Variants in IPO11 observed in about 807,000 individuals in gnomAD.
IPO11 encodes the protein importin 11.
Under a neutral mutation model 143.2 loss-of-function variants are expected in IPO11, and 66 were observed. The observed-to-expected ratio is 0.46, with a 90% confidence interval of 0.38 to 0.57. The LOEUF is 0.57. Among genes scored for constraint, IPO11 ranks in the 20% least tolerant of loss-of-function variants. The probability of loss-of-function intolerance (pLI) is 0.00; values close to 1 mark genes in which losing one functional copy is unlikely to be tolerated. For synonymous variants in IPO11, 385 were observed against 377.8 expected, an observed-to-expected ratio of 1.02 and a Z score of -0.22; for missense variants, 1,026 against 1,141.0, an observed-to-expected ratio of 0.90 and a Z score of 1.45.
chr5:62,579,401 C>T, intron 27 of IPO11: 1 of 1,539,522 alleles, frequency 6.5e-7, no homozygotes, highest in Non-Finnish European at 8.8e-7. Flanking sequence ...CTTTTTATAG[C>T]CAATTCTGAT....
At chr5:62,428,934 C>T (rs374275140) in intron 1 of IPO11, among the ~76,000 whole-genome samples, 8 of 152,034 alleles carry the variant, frequency 5.3e-5, no homozygotes, top group African/African-American at 1.5e-4. Context: ...CCCAAAGTGC[C>T]GAGATTACGC....
chr5:62,485,782 T>G (rs1746375886), intron 12 of IPO11, among the ~76,000 whole-genome samples: 1 of 151,208 alleles, frequency 6.6e-6, no homozygotes, highest in East Asian at 1.9e-4. Context: ...CCCAGGAGGT[T>G]GAGGCTGCCG....
At chr5:62,424,941 T>C (rs1394019721) in intron 1 of IPO11, among the ~76,000 whole-genome samples, 4 of 152,224 alleles carry the variant, frequency 2.6e-5, no homozygotes, top group Non-Finnish European at 5.9e-5. Flanking sequence ...CATTCATGTC[T>C]TTACCTCAAA....
At position 62,580,116 on chromosome 5, in the gene IPO11, A is replaced by G. The variant is rs781725917; in HGVS notation, c.2583-11461A>G. 4.8e-4 allele frequency: 741 copies of G among 1,550,892 alleles called. 4 individuals carry two copies. The highest frequency in any genetic ancestry group is 3.7e-4 in the Admixed American group (19 of 50,948). On this transcript the variant is annotated intron_variant, in intron 27 of 29. Coordinates refer to ENST00000325324, the MANE Select transcript of IPO11 (RefSeq NM_016338.5). ...AAGTACCATCAAATGCCTTTGAAGT[A>G]CTTAAAAGTCTTAGAAGACTTTCTT... is the stretch of plus-strand genomic sequence containing the variant.
At chr5:62,591,852 A>T (rs1745034339) in intron 28 of IPO11, among the ~76,000 whole-genome samples, 180 bp downstream of exon 28, 2 of 151,854 alleles carry the variant, frequency 1.3e-5, no homozygotes, top group African/African-American at 4.8e-5. Flanking sequence ...GTATCACCTT[A>T]TTTATTTATT....
intron 29 of IPO11, among the ~76,000 whole-genome samples, chr5:62,623,663 T>A (rs1291091726): frequency 1.3e-5 from 2 of 150,872 alleles, no homozygotes; most frequent in African/African-American, 4.9e-5. Context: ...TTTTTTTTTT[T>A]AAGACAGAGT....
chr5:62,606,391 G>A (rs944168001), intron 29 of IPO11, among the ~76,000 whole-genome samples: 21 of 144,764 alleles, frequency 1.5e-4, no homozygotes, highest in South Asian at 6.6e-4. Context: ...GAGGTGGGAG[G>A]ATTGCTTGAA....
chr5:62,593,259 A>G (rs978073464), intron 28 of IPO11, among the ~76,000 whole-genome samples: 2 of 152,174 alleles, frequency 1.3e-5, no homozygotes, highest in Non-Finnish European at 2.9e-5. Flanking sequence ...AAATTATAAC[A>G]TGTTTTAACT....
chr5:62,587,984 A>G (rs1484240478), intron 27 of IPO11, among the ~76,000 whole-genome samples: 1 of 152,152 alleles, frequency 6.6e-6, no homozygotes, highest in African/African-American at 2.4e-5. Context: ...TGTGTTCTCT[A>G]GCAATTTCAC....
chr5:62,518,359 G>A (rs1042838713), intron 20 of IPO11, among the ~76,000 whole-genome samples: 4 of 151,906 alleles, frequency 2.6e-5, no homozygotes, highest in Admixed American at 6.6e-5. Context: ...CAGGAGAATC[G>A]CTTGAACCTG....
intron 9 of IPO11, 103 bp from the exon 10 acceptor site, chr5:62,482,998 A>G: frequency 7.8e-6 from 6 of 768,458 alleles, no homozygotes; most frequent in Non-Finnish European, 1.0e-5. Flanking sequence ...CTAAGGTTCA[A>G]ACTGCTAAAT....
At chr5:62,527,756 G>A (rs954116841) in intron 21 of IPO11, among the ~76,000 whole-genome samples, 35 of 152,106 alleles carry the variant, frequency 2.3e-4, no homozygotes, top group African/African-American at 8.4e-4. Context: ...AAATTATTAG[G>A]AGAAAATTTT....
At chr5:62,423,004 G>C (rs1743573729) in intron 1 of IPO11, among the ~76,000 whole-genome samples, 1 of 152,098 alleles carries the variant, frequency 6.6e-6, no homozygotes, top group Non-Finnish European at 1.5e-5. Context: ...TATCAGAAAG[G>C]GGATTGGAGA....
At chr5:62,469,749 T>A (rs940147877) in intron 6 of IPO11, among the ~76,000 whole-genome samples, 2 of 152,196 alleles carry the variant, frequency 1.3e-5, no homozygotes, top group Admixed American at 1.3e-4. Flanking sequence ...TCTCTCTGTG[T>A]ACACTAGTTT....
At chr5:62,435,116 A>ATGTATATATG (rs1744142907) in intron 1 of IPO11, among the ~76,000 whole-genome samples, 3 of 52,134 alleles carry the variant, frequency 5.8e-5, no homozygotes, top group African/African-American at 6.5e-5. Context: ...ATATGTATAT[A>ATGTATATATG]TGTATATATG....
chr5:62,579,305 T>C (rs1744448751), intron 27 of IPO11: 3 of 799,852 alleles, frequency 3.8e-6, no homozygotes, highest in Non-Finnish European at 6.3e-6. Context: ...TATTGGCTGA[T>C]CCTAATTAAA....
chr5:62,456,954 C>T (rs571442731), intron 5 of IPO11, among the ~76,000 whole-genome samples: 3 of 152,056 alleles, frequency 2.0e-5, no homozygotes, highest in African/African-American at 4.8e-5. Flanking sequence ...TAGCCGGGTG[C>T]CTGTAATCCC....
chr5:62,503,558 T>C (rs1006771327), intron 16 of IPO11, among the ~76,000 whole-genome samples: 12 of 152,090 alleles, frequency 7.9e-5, no homozygotes, highest in African/African-American at 2.7e-4. Flanking sequence ...TAGTTCCTCA[T>C]TGAATAGTTT....
intron 22 of IPO11, among the ~76,000 whole-genome samples, chr5:62,534,293 G>A (rs1742664183): frequency 6.6e-6 from 1 of 151,936 alleles, no homozygotes; most frequent in Admixed American, 6.6e-5. Context: ...CCTAGTTATT[G>A]CAAATGCAAC....
Sources: allele counts gnomAD v4.1 joint callset (sites outside exome capture counted in the v4.1 genomes callset), GRCh38; gene constraint gnomAD v4.1.1; transcripts MANE v1.5; gene names NCBI Gene and HGNC (gene_info 2026-07-23, HGNC 2026-07-21).